The following PRKCB variants were observed in gnomAD, a reference collection of about 807,000 sequenced individuals.
PRKCB encodes the protein protein kinase C beta, also known as protein kinase C beta type.
In PRKCB, 13 loss-of-function variants were observed where a neutral mutation model predicts 81.5. That is an observed-to-expected ratio of 0.16 (90% CI 0.10 to 0.25). The LOEUF (loss-of-function observed/expected upper bound fraction) is 0.25, where lower values mean the gene tolerates loss of function less well. Among genes scored for constraint, PRKCB ranks in the 10% least tolerant of loss-of-function variants. PRKCB has a pLI of 1.00. For missense variants in PRKCB, 509 were observed against 875.7 expected (o/e 0.58, Z 5.29); for synonymous variants, 335 against 321.4 (o/e 1.04, Z -0.45).
intron 2 of PRKCB, chr16:23,869,228 A>G (rs951574327): frequency 7.4e-6 from 3 of 404,022 alleles, no homozygotes; most frequent in Non-Finnish European, 5.1e-6. Context: ...TGGTTTAGCC[A>G]TTGTTCTTCC....
chr16:23,842,709 T>C (rs930060004), intron 2 of PRKCB, among the ~76,000 whole-genome samples: 2 of 152,170 alleles, frequency 1.3e-5, no homozygotes, highest in African/African-American at 4.8e-5. Context: ...TTAGAAAACA[T>C]GTTTTTAAAT....
intron 3 of PRKCB, among the ~76,000 whole-genome samples, chr16:24,019,173 CTTTTTTTT>C (rs562397722): frequency 2.2e-5 from 3 of 134,582 alleles, no homozygotes; most frequent in Admixed American, 2.2e-4. Flanking sequence ...TTTTTTTTTT[CTTTTTTTT>C]TTTTTGGTGT....
rs866533201 is a variant in PRKCB, at chr16:23,872,591, G to A, written c.205+35185G>A. On this transcript the variant is annotated intron_variant, in intron 2 of 16. Transcript: ENST00000643927. ...TCTGGAGGTATCCTGTTTGGGTTCA[G>A]ATTCTGGCTCTGCCACTTCCTAGTT... is the stretch of plus-strand genomic sequence containing the variant. Among the ~76,000 whole-genome samples, 10 of 152,272 alleles carry A rather than the reference G, an allele frequency of 6.6e-5. No homozygotes were observed. The South Asian group carries it at 1.7e-3, about 25-fold the overall frequency.
chr16:24,062,366 G>A (rs1056452302), intron 5 of PRKCB, among the ~76,000 whole-genome samples: 1 of 152,226 alleles, frequency 6.6e-6, no homozygotes, highest in African/African-American at 2.4e-5. Flanking sequence ...CTCAAGAGCA[G>A]TAAGTGAGGG....
chr16:24,149,389 C>T (rs555424236), intron 9 of PRKCB, among the ~76,000 whole-genome samples: 51 of 152,182 alleles, frequency 3.4e-4, no homozygotes, highest in South Asian at 2.7e-3. Context: ...AGATTTATAT[C>T]GAAAATGAAA....
intron 9 of PRKCB, 144 bp downstream of exon 9, chr16:24,124,125 C>G (rs1456236371): frequency 1.9e-6 from 2 of 1,027,358 alleles, no homozygotes; most frequent in Non-Finnish European, 2.9e-6. Context: ...TAATGAATAC[C>G]ATGAAGGAAA....
At chr16:24,092,035 A>G (rs915085064) in intron 5 of PRKCB, among the ~76,000 whole-genome samples, 16 of 152,198 alleles carry the variant, frequency 1.1e-4, no homozygotes, top group Non-Finnish European at 1.3e-4. Context: ...AAAATTAACC[A>G]TTAACTGTTT....
chr16:24,047,548 A>T (rs1349175400), intron 5 of PRKCB, among the ~76,000 whole-genome samples: 2 of 151,942 alleles, frequency 1.3e-5, no homozygotes, highest in African/African-American at 4.8e-5. Flanking sequence ...AAAAAAAAAA[A>T]AAAGAATTTG....
chr16:24,051,259 G>A (rs904831925), intron 5 of PRKCB, among the ~76,000 whole-genome samples: 6 of 152,234 alleles, frequency 3.9e-5, no homozygotes, highest in Non-Finnish European at 8.8e-5. Context: ...GTTTCTGTGA[G>A]AAGGAGCAGG....
intron 2 of PRKCB, among the ~76,000 whole-genome samples, chr16:23,885,071 A>G (rs1418689563): frequency 2.0e-5 from 3 of 152,194 alleles, no homozygotes; most frequent in Non-Finnish European, 1.5e-5. Flanking sequence ...TGAAGATTAT[A>G]AGGAATTAAC....
chr16:24,163,574 T>C (rs1336417663), intron 10 of PRKCB, among the ~76,000 whole-genome samples: 1 of 152,196 alleles, frequency 6.6e-6, no homozygotes, highest in Non-Finnish European at 1.5e-5. Flanking sequence ...CTTTGGCCTC[T>C]ATGTGGAGGG....
chr16:23,983,845 A>G (rs1308815597), intron 2 of PRKCB, among the ~76,000 whole-genome samples: 1 of 151,934 alleles, frequency 6.6e-6, no homozygotes, highest in Non-Finnish European at 1.5e-5. Context: ...TCTCCTGGGT[A>G]GCTGGGATTA....
chr16:24,028,942 C>T (rs1965517345), intron 3 of PRKCB, among the ~76,000 whole-genome samples: 1 of 152,148 alleles, frequency 6.6e-6, no homozygotes, highest in Admixed American at 6.5e-5. Context: ...AGGCATGTGC[C>T]ACCACACCCT....
Position 24,208,965 on chromosome 16 carries a change from T to C in PRKCB, c.1864-5693T>C, listed in dbSNP as rs576595878. Among the ~76,000 whole-genome samples the C allele has an allele frequency of 2.6e-5, 4 of 152,254 alleles. No homozygotes were observed. The South Asian group carries it at 8.3e-4, about 32-fold the overall frequency. ...CTGTTCTTGTGTCTCCTCTGTGCTA[T>C]CTCACTTAAAGATTTCATTGTTCTC... On this transcript the variant is annotated intron_variant, in intron 16 of 16. Transcript: ENST00000643927.
chr16:24,155,209 G>A (rs1329051070), intron 10 of PRKCB, among the ~76,000 whole-genome samples: 1 of 152,180 alleles, frequency 6.6e-6, no homozygotes, highest in African/African-American at 2.4e-5. Context: ...TAGACCTTTG[G>A]ATAAATGCAC....
chr16:23,935,460 G>A (rs1202341257), intron 2 of PRKCB, among the ~76,000 whole-genome samples: 1 of 152,178 alleles, frequency 6.6e-6, no homozygotes, highest in East Asian at 1.9e-4. Context: ...GGCATGCTTT[G>A]AGAAACACCA....
intron 2 of PRKCB, among the ~76,000 whole-genome samples, chr16:23,921,055 A>G (rs933007452): frequency 1.3e-5 from 2 of 152,196 alleles, no homozygotes; most frequent in African/African-American, 2.4e-5. Context: ...AGATCACCTG[A>G]GATTTATTCA....
chr16:23,917,762 G>A (rs1276794200), intron 2 of PRKCB, among the ~76,000 whole-genome samples: 1 of 152,238 alleles, frequency 6.6e-6, no homozygotes. Flanking sequence ...CAGGCCCAGA[G>A]AGAGGATCAG....
intron 2 of PRKCB, among the ~76,000 whole-genome samples, chr16:23,926,250 G>A (rs1963894965): frequency 6.6e-6 from 1 of 152,058 alleles, no homozygotes; most frequent in African/African-American, 2.4e-5. Context: ...CAGCCTGGGT[G>A]ACAGAGTGAG....
Sources: gnomAD v4.1 joint callset for allele counts (sites outside exome capture counted in the v4.1 genomes callset) on GRCh38, gnomAD v4.1.1 for gene constraint, MANE v1.5 for transcripts, NCBI Gene and HGNC (gene_info 2026-07-23, HGNC 2026-07-21) for gene names.